The following NPHP3 variants were observed in gnomAD, a reference collection of about 807,000 sequenced individuals.
NPHP3 encodes the protein nephrocystin 3.
In NPHP3, 123 loss-of-function variants were observed where a neutral mutation model predicts 171.9. The ratio of observed to expected loss-of-function variants is 0.72; its 90% CI spans 0.62 to 0.83. NPHP3 has a LOEUF of 0.83. Among genes scored for constraint, NPHP3 ranks in the 40% least tolerant of loss-of-function variants. The probability of loss-of-function intolerance (pLI) is 0.00; values close to 1 mark genes in which losing one functional copy is unlikely to be tolerated. For missense variants in NPHP3, 1,506 were observed against 1,591.9 expected, an observed-to-expected ratio of 0.95 and a Z score of 0.92; for synonymous variants, 558 against 579.2, an observed-to-expected ratio of 0.96 and a Z score of 0.52.
At chr3:132,719,608 T>G (rs996059228) in intron 2 of NPHP3, 97 bp downstream of exon 2, 4 of 801,654 alleles carry the variant, frequency 5.0e-6, no homozygotes, top group African/African-American at 1.8e-5. Flanking sequence ...CTACATGACT[T>G]ACTTCTATTT....
intron 10 of NPHP3, among the ~76,000 whole-genome samples, chr3:132,700,800 C>T (rs924703745): frequency 7.2e-5 from 11 of 151,944 alleles, no homozygotes; most frequent in African/African-American, 2.4e-4. Context: ...CCAAACATAA[C>T]TTTAAATAAA....
chr3:132,695,677 G>A (rs1460841742), intron 15 of NPHP3, among the ~76,000 whole-genome samples: 4 of 152,158 alleles, frequency 2.6e-5, no homozygotes, highest in Non-Finnish European at 4.4e-5. Context: ...CTCACATGCT[G>A]TAATCCCAGC....
intron 11 of NPHP3, 90 bp downstream of exon 11, chr3:132,700,244 G>A (rs1939570305): frequency 8.5e-7 from 1 of 1,177,336 alleles, no homozygotes; most frequent in African/African-American, 1.5e-5. Flanking sequence ...GGATAATACT[G>A]AAAATTGGTT....
intron 9 of NPHP3, among the ~76,000 whole-genome samples, chr3:132,702,407 G>A (rs1255586539): frequency 6.6e-6 from 1 of 152,176 alleles, no homozygotes; most frequent in African/African-American, 2.4e-5. Context: ...AACTAAGTGA[G>A]TTCAGTGTAA....
chr3:132,721,520 G>T, intron 1 of NPHP3: 1 of 290,852 alleles, frequency 3.4e-6, no homozygotes, highest in South Asian at 2.9e-5. Flanking sequence ...TGCTTCAACA[G>T]ATGTCACCAG....
At chr3:132,693,761 T>C (rs1376963639) in intron 16 of NPHP3, 1 of 151,720 alleles carries the variant, frequency 6.6e-6, no homozygotes, top group Non-Finnish European at 1.5e-5. Flanking sequence ...TAGTCCCAGC[T>C]ACTCGGGAGG....
At chr3:132,720,346 A>G (rs557552266) in intron 1 of NPHP3, among the ~76,000 whole-genome samples, 1 of 152,290 alleles carries the variant, frequency 6.6e-6, no homozygotes, top group East Asian at 1.9e-4. Flanking sequence ...AGGAACCAGT[A>G]TGTTTCACAG....
At chr3:132,713,360 A>G in intron 5 of NPHP3, 74 bp from the exon 6 acceptor site, 1 of 1,006,100 alleles carries the variant, frequency 9.9e-7, no homozygotes, top group Non-Finnish European at 1.5e-6. Context: ...ACTACTTAAA[A>G]TAAAAAGCAC....
At position 132,688,725 on chromosome 3, in the gene NPHP3, T is replaced by C. The variant is rs1218307169; in HGVS notation, c.3050A>G (p.Asn1017Ser). The C allele has an allele frequency of 6.2e-7, 1 of 1,614,168 alleles. No homozygotes were observed. ...LYKQALEISE[N>S]AYGADHPYTA... ...ATATGGATGGTCCGCACCATAAGCA[T>C]TTTCTGAGATTTCCAACGCCTGTTT... The change falls in exon 21 of 27, where the codon AAT (asparagine) becomes AGT (serine). Residue 1017 changes from asparagine to serine, a missense_variant. Transcript: ENST00000337331.
chr3:132,704,168 C>T lies in NPHP3; in HGVS notation c.1524+30G>A, dbSNP rs1305396266. 4.4e-6 allele frequency: 7 copies of T among 1,602,608 alleles called. No homozygotes were observed. The East Asian group carries it at 6.7e-5, about 15-fold the overall frequency. ...ATACAGCCTTTAAGTGGTGACAGAT[C>T]TTTGTTGCAATAATACTCCAAGCAC... On this transcript the variant is annotated intron_variant, in intron 9 of 26. Transcript: ENST00000337331.
intron 3 of NPHP3, chr3:132,717,393 T>A (rs2108000688): frequency 6.3e-6 from 1 of 159,182 alleles, no homozygotes; most frequent in East Asian, 1.9e-4. Context: ...AATTAATGTC[T>A]GAATCAATAG....
intron 16 of NPHP3, chr3:132,693,741 T>C (rs1260121895): frequency 2.0e-5 from 3 of 152,042 alleles, no homozygotes; most frequent in East Asian, 3.9e-4. Context: ...GGCGTGGTCG[T>C]GGGTGCCTGT....
Position 132,704,274 on chromosome 3 carries a change from T to A in NPHP3, c.1448A>T (p.Asp483Val). 6.2e-7 allele frequency: 1 copy of A among 1,614,182 alleles called. No homozygotes were observed. Among genetic ancestry groups the A allele is most frequent in the South Asian group, 1.1e-5 (1 of 91,084 alleles). The change falls in exon 9 of 27, where the codon GAC becomes GTC. Residue 483 changes from aspartate (D) to valine (V), a missense_variant. Transcript: ENST00000337331. ...EEDDFGDVLW[D>V]IHDEQEQMET... ...CATTTGCTCTTGTTCATCATGTATGTCCCACAGAACATCACCAAAATCATC... is the reference window on the plus strand; with the variant it reads ...CATTTGCTCTTGTTCATCATGTATGACCCACAGAACATCACCAAAATCATC...
At position 132,706,686 on chromosome 3, in the gene NPHP3, C is replaced by T. The variant is rs553488104; in HGVS notation, c.1276-872G>A. On this transcript the variant is annotated intron_variant, in intron 7 of 26. Transcript: ENST00000337331. ...TGAACAAGCATGGAGATTTACCCTACATTTACATTTATAATCATGGCAGAG... is the reference window on the plus strand; with the variant it reads ...TGAACAAGCATGGAGATTTACCCTATATTTACATTTATAATCATGGCAGAG... 2.6e-5 allele frequency among the ~76,000 whole-genome samples: 4 copies of T among 152,296 alleles called. No individual in the cohort carries two copies. The South Asian group carries it at 8.3e-4, about 32-fold the overall frequency.
intron 1 of NPHP3, among the ~76,000 whole-genome samples, chr3:132,720,952 C>T (rs2108005506): frequency 6.6e-6 from 1 of 151,888 alleles, no homozygotes; most frequent in South Asian, 2.1e-4. Flanking sequence ...GAGTCTCGCT[C>T]TGTCACCCAA....
At chr3:132,721,892 G>A in intron 1 of NPHP3, 71 bp downstream of exon 1, 1 of 1,568,978 alleles carries the variant, frequency 6.4e-7, no homozygotes. Context: ...AAAGCCGCTT[G>A]GTTTGGAGAG....
chr3:132,695,763 G>A (rs1178827519), intron 15 of NPHP3, among the ~76,000 whole-genome samples: 5 of 152,010 alleles, frequency 3.3e-5, no homozygotes, highest in East Asian at 1.9e-4. Context: ...GCAAAACCCC[G>A]CTTATACTAA....
chr3:132,686,150 G>T, intron 23 of NPHP3, 110 bp downstream of exon 23: 1 of 1,136,240 alleles, frequency 8.8e-7, no homozygotes, highest in Non-Finnish European at 1.3e-6. Context: ...GAAATTTTGC[G>T]TGGTTTTTAT....
Position 132,681,816 on chromosome 3 carries a change from G to T in NPHP3, c.*94C>A. ...GTTAAATCACACGTAGTAAAATTTC[G>T]TACAACATTTTTTTAAAGTTTCAAA... On this transcript the variant is annotated 3_prime_UTR_variant, in exon 27 of 27. Coordinates refer to ENST00000337331, the MANE Select transcript of NPHP3 (RefSeq NM_153240.5). 3 of 1,142,698 alleles carry T rather than the reference G, an allele frequency of 2.6e-6. No individual in the cohort carries two copies. Among genetic ancestry groups the T allele is most frequent in the Non-Finnish European group, 3.9e-6 (3 of 764,042 alleles). The allele number at this position is 1,142,698 out of a possible 1,614,324, so 70.8% of individuals were successfully genotyped here.
Sources: allele counts gnomAD v4.1 joint callset (sites outside exome capture counted in the v4.1 genomes callset), GRCh38; gene constraint gnomAD v4.1.1; transcripts MANE v1.5; gene names NCBI Gene and HGNC (gene_info 2026-07-23, HGNC 2026-07-21).